GPC5: variants seen among roughly 807,000 people sequenced by gnomAD.
GPC5 encodes the protein glypican-5.
A neutral mutation model predicts 53.9 loss-of-function variants in GPC5; 47 were observed. The ratio of observed to expected loss-of-function variants is 0.87; its 90% CI spans 0.69 to 1.11. The LOEUF (loss-of-function observed/expected upper bound fraction) is 1.11. Among genes scored for constraint, GPC5 ranks in the 50% most tolerant of loss-of-function variants. The pLI is 0.00. For synonymous variants in GPC5, 286 were observed against 263.3 expected, an observed-to-expected ratio of 1.09 and a Z score of -0.84; for missense variants, 748 against 713.1, an observed-to-expected ratio of 1.05 and a Z score of -0.56.
chr13:91,783,538 A>T (rs2037830962), intron 5 of GPC5, among the ~76,000 whole-genome samples: 1 of 152,078 alleles, frequency 6.6e-6, no homozygotes, highest in South Asian at 2.1e-4. Context: ...GGTTCAAGTG[A>T]TTCTTATGCC....
At chr13:92,721,812 A>G (rs1888515441) in intron 7 of GPC5, among the ~76,000 whole-genome samples, 1 of 152,048 alleles carries the variant, frequency 6.6e-6, no homozygotes, top group African/African-American at 2.4e-5. Context: ...AGGGGGGTTC[A>G]TAAAAGTCAC....
chr13:92,044,888 A>G (rs1274880289), intron 6 of GPC5, among the ~76,000 whole-genome samples: 2 of 152,136 alleles, frequency 1.3e-5, no homozygotes, highest in Non-Finnish European at 2.9e-5. Context: ...GTCCAACTTT[A>G]AAAGGTTGGT....
intron 7 of GPC5, among the ~76,000 whole-genome samples, chr13:92,795,513 C>T (rs1876640781): frequency 6.6e-6 from 1 of 152,130 alleles, no homozygotes; most frequent in African/African-American, 2.4e-5. Flanking sequence ...GCAATGGCAA[C>T]AAAAGCCAAA....
At chr13:92,251,240 T>C (rs1336273930) in intron 7 of GPC5, among the ~76,000 whole-genome samples, 1 of 152,066 alleles carries the variant, frequency 6.6e-6, no homozygotes, top group African/African-American at 2.4e-5. Context: ...ATGTGGTGTA[T>C]CAAAAGAGTG....
chr13:91,789,267 C>A (rs2037926678), intron 5 of GPC5, among the ~76,000 whole-genome samples: 1 of 151,700 alleles, frequency 6.6e-6, no homozygotes. Flanking sequence ...GGACAATTAA[C>A]TTATAAAGGT....
chr13:91,725,833 G>C (rs1292515045), intron 3 of GPC5, among the ~76,000 whole-genome samples: 22 of 151,706 alleles, frequency 1.5e-4, no homozygotes, highest in Non-Finnish European at 2.9e-4. Flanking sequence ...TTATTTTCTT[G>C]AGTTTCAAAG....
intron 7 of GPC5, among the ~76,000 whole-genome samples, chr13:92,345,057 A>T (rs559090989): frequency 2.0e-5 from 3 of 152,332 alleles, no homozygotes; most frequent in Admixed American, 2.0e-4. Flanking sequence ...GCATAATAAA[A>T]ATACAACAGC....
At chr13:91,425,186 A>C (rs1878953651) in intron 1 of GPC5, among the ~76,000 whole-genome samples, 1 of 152,224 alleles carries the variant, frequency 6.6e-6, no homozygotes, top group African/African-American at 2.4e-5. Flanking sequence ...TTTAGATATA[A>C]TAGCAGAACT....
intron 2 of GPC5, among the ~76,000 whole-genome samples, chr13:91,496,793 C>G (rs138572011): frequency 6.6e-6 from 1 of 152,124 alleles, no homozygotes; most frequent in African/African-American, 2.4e-5. Context: ...ATAATCATAA[C>G]GCAAAAGATG....
chr13:91,630,395 C>A (rs142125844), intron 2 of GPC5, among the ~76,000 whole-genome samples: 1 of 152,044 alleles, frequency 6.6e-6, no homozygotes, highest in African/African-American at 2.4e-5. Context: ...TAAATAATAC[C>A]GTCTTATTTT....
chr13:92,189,839 A>C (rs2042210990), intron 7 of GPC5, among the ~76,000 whole-genome samples: 1 of 152,198 alleles, frequency 6.6e-6, no homozygotes, highest in South Asian at 2.1e-4. Flanking sequence ...ATTAGTATAC[A>C]GGAAAGAACT....
At chr13:92,849,752 T>C (rs1460798738) in intron 7 of GPC5, among the ~76,000 whole-genome samples, 1 of 152,166 alleles carries the variant, frequency 6.6e-6, no homozygotes. Context: ...GCCAAAAATA[T>C]TTAAAGGGTA....
At chr13:91,450,814 A>G (rs1362922280) in intron 2 of GPC5, among the ~76,000 whole-genome samples, 1 of 152,122 alleles carries the variant, frequency 6.6e-6, no homozygotes, top group Non-Finnish European at 1.5e-5. Flanking sequence ...AGTAGATGTC[A>G]AGTTTTATTT....
At chr13:92,556,674 T>G (rs914709937) in intron 7 of GPC5, among the ~76,000 whole-genome samples, 1 of 151,840 alleles carries the variant, frequency 6.6e-6, no homozygotes, top group African/African-American at 2.4e-5. Context: ...CTTTTTTTAA[T>G]GTAGTAATTT....
intron 7 of GPC5, among the ~76,000 whole-genome samples, chr13:92,554,686 A>G (rs563644588): frequency 1.2e-4 from 18 of 151,384 alleles, no homozygotes; most frequent in African/African-American, 4.1e-4. Flanking sequence ...GAGAAAAACT[A>G]TACAACTAAA....
chr13:92,088,385 G>T (rs139664295), intron 6 of GPC5, among the ~76,000 whole-genome samples: 1 of 152,236 alleles, frequency 6.6e-6, no homozygotes, highest in South Asian at 2.1e-4. Context: ...ATTGGGGGAC[G>T]GGGGAAAAGC....
intron 7 of GPC5, among the ~76,000 whole-genome samples, chr13:92,524,947 T>A (rs1274979903): frequency 2.0e-5 from 3 of 152,132 alleles, no homozygotes; most frequent in African/African-American, 7.2e-5. Flanking sequence ...TTATTTCAGT[T>A]AATGACCAAT....
intron 7 of GPC5, among the ~76,000 whole-genome samples, chr13:92,146,088 T>C (rs1187349158): frequency 3.3e-5 from 5 of 152,142 alleles, no homozygotes; most frequent in African/African-American, 1.2e-4. Flanking sequence ...GACACAGTAA[T>C]ACATTTTATT....
rs187371471 is a variant in GPC5 at position 92,797,154 on chromosome 13, A to G, written c.1562-69128A>G. Among the ~76,000 whole-genome samples, 29 of 152,062 alleles carry G rather than the reference A, an allele frequency of 1.9e-4. No individual in the cohort carries two copies. In the East Asian group the frequency reaches 5.2e-3, roughly 28 times the overall value. On this transcript the variant is annotated intron_variant, in intron 7 of 7. Transcript: ENST00000377067. ...GAGAATACTACTACAGAGAAATTGT[A>G]TAAAGCTTTTCCATCTTGGTTTCTG...
Sources: allele counts gnomAD v4.1 joint callset (sites outside exome capture counted in the v4.1 genomes callset), GRCh38; gene constraint gnomAD v4.1.1; transcripts MANE v1.5; gene names NCBI Gene and HGNC (gene_info 2026-07-23, HGNC 2026-07-21).